TK2: variants seen among roughly 807,000 people sequenced by gnomAD.
TK2 encodes the protein thymidine kinase 2.
TK2 carries 35 observed loss-of-function variants against 41.9 expected under a neutral mutation model. The ratio of observed to expected loss-of-function variants is 0.84; its 90% confidence interval spans 0.64 to 1.11. TK2 has a LOEUF of 1.11. Ranked by LOEUF, TK2 falls within the 50% of genes least tolerant of loss-of-function variation. TK2 has a pLI of 0.00. For missense variants in TK2, 320 were observed against 351.1 expected, an observed-to-expected ratio of 0.91 and a Z score of 0.71; for synonymous variants, 128 against 129.1, an observed-to-expected ratio of 0.99 and a Z score of 0.06.
At chr16:66,536,153 G>A (rs1002371533) in intron 4 of TK2, among the ~76,000 whole-genome samples, 19 of 149,040 alleles carry the variant, frequency 1.3e-4, no homozygotes, top group East Asian at 4.0e-4. Flanking sequence ...GCAGTGAGCC[G>A]AGATCGCGCC....
At chr16:66,545,465 T>C (rs1965578737) in intron 2 of TK2, among the ~76,000 whole-genome samples, 2 of 152,190 alleles carry the variant, frequency 1.3e-5, no homozygotes, top group African/African-American at 4.8e-5. Context: ...ACGCCATGAA[T>C]ACTATTCAGC....
chr16:66,515,232 A>G (rs1043013670), intron 8 of TK2, among the ~76,000 whole-genome samples: 53 of 151,358 alleles, frequency 3.5e-4, no homozygotes, highest in African/African-American at 1.3e-3. Flanking sequence ...CTTTTGCAGC[A>G]GCAGGGCCTC....
intron 6 of TK2, among the ~76,000 whole-genome samples, chr16:66,523,482 T>C (rs1461879387): frequency 1.3e-5 from 2 of 152,202 alleles, no homozygotes; most frequent in Non-Finnish European, 1.5e-5. Flanking sequence ...ACATTTTGCA[T>C]AGGTAGTGAC....
At chr16:66,543,742 G>T (rs1215497642) in intron 2 of TK2, among the ~76,000 whole-genome samples, 1 of 152,096 alleles carries the variant, frequency 6.6e-6, no homozygotes, top group Non-Finnish European at 1.5e-5. Context: ...GTCACAGTGG[G>T]CCGTCTCACC....
chr16:66,542,082 C>T, intron 2 of TK2, 129 bp from the exon 3 acceptor site: 1 of 935,638 alleles, frequency 1.1e-6, no homozygotes, highest in South Asian at 1.3e-5. Flanking sequence ...ACATGTAAAC[C>T]AAAATCCCTC....
At position 66,514,217 on chromosome 16, in the gene TK2, C is replaced by T. The variant is rs1964538555; in HGVS notation, c.619-406G>A. Among the ~76,000 whole-genome samples the T allele has an allele frequency of 6.6e-6, 1 of 152,190 alleles. No individual in the cohort carries two copies. The highest frequency in any genetic ancestry group is 1.5e-5 in the Non-Finnish European group (1 of 68,028). On this transcript the variant is annotated intron_variant, in intron 8 of 9. Transcript: ENST00000544898. This position sits in a 1 kb window ranked among gnomAD's most constrained non-coding sequence, Gnocchi z 4.2. ...GCCAACTCGACTCACTGCAACCTCCCTGCCTGATTCTCCTGCCTCAGCCTG... is the reference window on the plus strand; with the variant it reads ...GCCAACTCGACTCACTGCAACCTCCTTGCCTGATTCTCCTGCCTCAGCCTG...
intron 3 of TK2, among the ~76,000 whole-genome samples, chr16:66,540,174 T>C (rs1965415412): frequency 1.1e-5 from 1 of 90,068 alleles, no homozygotes; most frequent in South Asian, 4.3e-4. Context: ...TTCTTTTTTC[T>C]TTTTTTTTTT....
intron 6 of TK2, among the ~76,000 whole-genome samples, chr16:66,527,159 G>A (rs1964959144): frequency 6.6e-6 from 1 of 152,208 alleles, no homozygotes; most frequent in African/African-American, 2.4e-5. Context: ...GGTGAAAATG[G>A]GGCCGTAAGG....
chr16:66,531,295 T>C (rs1965102920), intron 5 of TK2, 85 bp downstream of exon 5: 2 of 1,367,536 alleles, frequency 1.5e-6, no homozygotes, highest in African/African-American at 2.9e-5. Flanking sequence ...CTGGCTTCCT[T>C]GTAAAGTTTC....
rs544279644 is a variant in TK2, at chr16:66,517,463, C to T, written c.539-248G>A. 7.2e-5 allele frequency among the ~76,000 whole-genome samples: 11 copies of T among 152,310 alleles called. No individual in the cohort carries two copies. In the South Asian group the frequency reaches 1.7e-3, roughly 23 times the overall value. On this transcript the variant is annotated intron_variant, in intron 7 of 9. Transcript: ENST00000544898. This position sits in a 1 kb window ranked among gnomAD's most constrained non-coding sequence, Gnocchi z 4.3. ...CAGAGCTCAAAACAGGCCTCACACC[C>T]AGCAGGTCTCAGTGAATGTTCAGGC...
chr16:66,540,456 A>C (rs900520447), intron 3 of TK2, among the ~76,000 whole-genome samples: 2 of 152,172 alleles, frequency 1.3e-5, no homozygotes, highest in African/African-American at 2.4e-5. Flanking sequence ...TACAGGCATC[A>C]GCCACCACAC....
In TK2 at chr16:66,541,891, C is replaced by T; in HGVS notation, c.219G>A (p.Ala73=). 6.2e-6 allele frequency: 10 copies of T among 1,614,158 alleles called. No individual in the cohort carries two copies. The highest frequency in any genetic ancestry group is 7.6e-6 in the Non-Finnish European group (9 of 1,180,010). Residue 73 remains alanine, a synonymous_variant, in exon 3 of 10, where the codon GCG becomes GCA. Coordinates refer to ENST00000544898, the MANE Select transcript of TK2 (RefSeq NM_004614.5). ...ATAGAGGCTGTACCTCGACGTCTGTCGCGTTGGAGAAGAATTCCAGGCATG... is the reference window on the plus strand; with the variant it reads ...ATAGAGGCTGTACCTCGACGTCTGTTGCGTTGGAGAAGAATTCCAGGCATG... The part of the protein sequence containing the change: ...KTTCLEFFSN[A]TDVEVLTEPV...
intron 5 of TK2, among the ~76,000 whole-genome samples, chr16:66,530,928 G>A (rs1597093851): frequency 6.6e-6 from 1 of 152,160 alleles, no homozygotes; most frequent in East Asian, 1.9e-4. Context: ...TCACCATGTT[G>A]GCCAGGCTGG....
chr16:66,539,887 G>A lies in TK2; in HGVS notation c.231+1992C>T, dbSNP rs1056165481. Among the ~76,000 whole-genome samples, 9 of 152,136 alleles carry A rather than the reference G, an allele frequency of 5.9e-5. No individual in the cohort carries two copies. The East Asian group carries it at 1.7e-3, about 29-fold the overall frequency. ...ATGTACCAAAATTCCGGACTCCCAG[G>A]AAGAAAGCAGGTGTCAGCATAAACC... On this transcript the variant is annotated intron_variant, in intron 3 of 9. Transcript: ENST00000544898.
chr16:66,545,456 C>T (rs61697982), intron 2 of TK2, among the ~76,000 whole-genome samples: 3 of 152,100 alleles, frequency 2.0e-5, no homozygotes, highest in South Asian at 4.1e-4. Context: ...ACTACAGCCA[C>T]GCCATGAATA....
chr16:66,548,875 C>T (rs978405088), intron 2 of TK2, 103 bp downstream of exon 2: 65 of 1,168,146 alleles, frequency 5.6e-5, no homozygotes, highest in Non-Finnish European at 5.4e-5. Context: ...TGTATTTTTG[C>T]TTTTTACTAT....
intron 4 of TK2, 31 bp downstream of exon 4, chr16:66,536,933 C>CG (rs1965302818): frequency 6.2e-7 from 1 of 1,613,820 alleles, no homozygotes; most frequent in Non-Finnish European, 8.5e-7. Context: ...AAGGGGAAGC[C>CG]GGGGGTTCAT....
At chr16:66,548,116 T>A in intron 2 of TK2, 1 of 457,390 alleles carries the variant, frequency 2.2e-6, no homozygotes, top group Admixed American at 2.5e-5. Context: ...CAGCTCAACT[T>A]TGCATTTCCC....
intron 6 of TK2, among the ~76,000 whole-genome samples, chr16:66,522,703 C>A (rs947231004): frequency 6.6e-6 from 1 of 152,078 alleles, no homozygotes; most frequent in African/African-American, 2.4e-5. Flanking sequence ...CCCATCTATA[C>A]TAAAAATACA....
Sources: allele counts gnomAD v4.1 joint callset (sites outside exome capture counted in the v4.1 genomes callset), GRCh38; gene constraint gnomAD v4.1.1; non-coding constraint Gnocchi (gnomAD v3.1); transcripts MANE v1.5; gene names NCBI Gene and HGNC (gene_info 2026-07-23, HGNC 2026-07-21).